COMMD7: variants seen among roughly 807,000 people sequenced by gnomAD.
The protein encoded by COMMD7 is COMM domain-containing protein 7.
In COMMD7, 28 loss-of-function variants were observed where a neutral mutation model predicts 34.8. The observed-to-expected ratio is 0.80, with a 90% CI of 0.60 to 1.10. The LOEUF (loss-of-function observed/expected upper bound fraction) is 1.10, where lower values mean the gene tolerates loss of function less well. Ranked by LOEUF, COMMD7 falls within the 50% of genes least tolerant of loss-of-function variation. The pLI, the probability that COMMD7 is intolerant of heterozygous loss-of-function variation, is 0.00. For synonymous variants in COMMD7, 80 were observed against 86.4 expected (o/e 0.93, Z 0.41); for missense variants, 211 against 241.6 (o/e 0.87, Z 0.84).
At chr20:32,721,177 G>A (rs534877916) in intron 3 of COMMD7, among the ~76,000 whole-genome samples, 1 of 152,236 alleles carries the variant, frequency 6.6e-6, no homozygotes, top group South Asian at 2.1e-4. Context: ...CAATCTAACA[G>A]GATACAGTGG....
intron 3 of COMMD7, among the ~76,000 whole-genome samples, chr20:32,725,422 C>T (rs1450396755): frequency 7.6e-6 from 1 of 131,534 alleles, no homozygotes. Context: ...TAGCTCTATA[C>T]TGTGTTTTGT....
chr20:32,728,392 T>C (rs1363627732), intron 1 of COMMD7, among the ~76,000 whole-genome samples: 1 of 151,882 alleles, frequency 6.6e-6, no homozygotes, highest in Admixed American at 6.6e-5. Context: ...ACTGTAAGCA[T>C]ATGCACTCAG....
chr20:32,713,964 T>G (rs1984621276), intron 3 of COMMD7, among the ~76,000 whole-genome samples: 1 of 151,538 alleles, frequency 6.6e-6, no homozygotes, highest in Non-Finnish European at 1.5e-5. Flanking sequence ...AATACAAAAA[T>G]TAGCTGAGCG....
At position 32,727,983 on chromosome 20, in the gene COMMD7, G is replaced by A; in HGVS notation, c.151C>T (p.Leu51=). The part of the protein sequence containing the change: ...LTEPKEVERF[L]AQLSEFATTN... ...GTGGCAAATTCAGAGAGCTGAGCCAGAAATCTTTCCACCTGCAGAGAGAGA... is the reference window on the plus strand; with the variant it reads ...GTGGCAAATTCAGAGAGCTGAGCCAAAAATCTTTCCACCTGCAGAGAGAGA... Residue 51 remains leucine, a synonymous_variant, in exon 3 of 9, where the codon CTG becomes TTG. Coordinates refer to ENST00000278980, the MANE Select transcript of COMMD7 (RefSeq NM_053041.3). 1.2e-6 allele frequency: 2 copies of A among 1,614,104 alleles called. No homozygotes were observed. Among genetic ancestry groups the A allele is most frequent in the Non-Finnish European group, 1.7e-6 (2 of 1,179,990 alleles).
intron 3 of COMMD7, among the ~76,000 whole-genome samples, chr20:32,720,352 G>A (rs565097565): frequency 3.9e-5 from 6 of 152,100 alleles, no homozygotes; most frequent in African/African-American, 7.2e-5. Context: ...AAAATTAGCC[G>A]GGCATGGTGG....
intron 1 of COMMD7, among the ~76,000 whole-genome samples, chr20:32,728,381 G>A (rs908075935): frequency 6.6e-6 from 1 of 151,994 alleles, no homozygotes; most frequent in Non-Finnish European, 1.5e-5. Context: ...TGTATTGAGA[G>A]ACTGTAAGCA....
intron 1 of COMMD7, among the ~76,000 whole-genome samples, chr20:32,734,582 G>A (rs1986036858): frequency 6.6e-6 from 1 of 151,974 alleles, no homozygotes; most frequent in South Asian, 2.1e-4. Flanking sequence ...GATCACTTGA[G>A]CCTAGATGTT....
intron 3 of COMMD7, among the ~76,000 whole-genome samples, chr20:32,713,598 C>T (rs550064341): frequency 5.9e-4 from 90 of 152,240 alleles, no homozygotes; most frequent in Non-Finnish European, 1.0e-3. Context: ...CAGTACTGAC[C>T]CTGAAGGCTG....
chr20:32,715,684 G>C (rs1421789138), intron 3 of COMMD7, among the ~76,000 whole-genome samples: 2 of 151,990 alleles, frequency 1.3e-5, no homozygotes, highest in African/African-American at 4.8e-5. Context: ...GCATCCACCT[G>C]TGGTCCCAGC....
chr20:32,713,287 T>C (rs933236411), intron 3 of COMMD7, among the ~76,000 whole-genome samples: 1 of 152,082 alleles, frequency 6.6e-6, no homozygotes, highest in Non-Finnish European at 1.5e-5. Flanking sequence ...TGACCTCAGG[T>C]GATCCACCCG....
At chr20:32,704,380 G>GGT in intron 7 of COMMD7, 60 bp downstream of exon 7, 3 of 902,264 alleles carry the variant, frequency 3.3e-6, no homozygotes, top group African/African-American at 2.3e-5. Flanking sequence ...ACCCAATGTA[G>GGT]ATATAATTTT....
intron 1 of COMMD7, among the ~76,000 whole-genome samples, chr20:32,731,588 T>A (rs1985844523): frequency 6.6e-6 from 1 of 152,186 alleles, no homozygotes; most frequent in South Asian, 2.1e-4. Context: ...GAAAGGGACC[T>A]ACCCAGATTC....
chr20:32,710,665 G>A (rs1477244402), intron 3 of COMMD7, among the ~76,000 whole-genome samples: 1 of 149,310 alleles, frequency 6.7e-6, no homozygotes, highest in Non-Finnish European at 1.5e-5. Flanking sequence ...GGAGGTTGAG[G>A]CTACAGTGAA....
At chr20:32,718,780 CAAA>C (rs11484216) in intron 3 of COMMD7, among the ~76,000 whole-genome samples, 1 of 128,534 alleles carries the variant, frequency 7.8e-6, no homozygotes. Flanking sequence ...CTCCCCCTGC[CAAA>C]AAAAAAAAAA....
At chr20:32,734,385 T>C (rs745658080) in intron 1 of COMMD7, among the ~76,000 whole-genome samples, 4 of 148,454 alleles carry the variant, frequency 2.7e-5, no homozygotes, top group Admixed American at 6.7e-5. Context: ...AGGCAGAGAA[T>C]TGCTTGAACC....
intron 1 of COMMD7, among the ~76,000 whole-genome samples, chr20:32,737,569 C>T (rs529668233): frequency 8.6e-5 from 13 of 151,602 alleles, no homozygotes; most frequent in Admixed American, 1.3e-4. Flanking sequence ...TGGCTCACAC[C>T]TATAATCCCA....
intron 6 of COMMD7, 52 bp downstream of exon 6, chr20:32,704,762 C>A (rs1423162263): frequency 7.4e-7 from 1 of 1,358,182 alleles, no homozygotes; most frequent in African/African-American, 1.4e-5. Context: ...ACAGCCTCTG[C>A]ACCCCAACCC....
intron 1 of COMMD7, among the ~76,000 whole-genome samples, chr20:32,741,360 G>A (rs1449118189): frequency 6.6e-6 from 1 of 150,834 alleles, no homozygotes; most frequent in East Asian, 1.9e-4. Flanking sequence ...TGGGACTACT[G>A]TGGTAGCTGT....
rs1555822087 is a variant in COMMD7 at position 32,705,312 on chromosome 20, G to GTGTATATATATACATACATATATA, written c.337-432_337-409dup. On this transcript the variant is annotated intron_variant, in intron 5 of 8. Coordinates refer to ENST00000278980, the MANE Select transcript of COMMD7 (RefSeq NM_053041.3). The stretch of plus-strand genomic sequence containing the variant: ...AATTGGAGAAAGGAGGCATATATAT[G>GTGTATATATATACATACATATATA]TGTATATATATACATACATATATAT... Among the ~76,000 whole-genome samples the GTGTATATATATACATACATATATA allele has an allele frequency of 9.4e-4, 141 of 149,296 alleles. 1 individual carries two copies. The highest frequency in any genetic ancestry group is 1.6e-3 in the Non-Finnish European group (105 of 67,576).
Sources: allele counts gnomAD v4.1 joint callset (sites outside exome capture counted in the v4.1 genomes callset), GRCh38; gene constraint gnomAD v4.1.1; transcripts MANE v1.5; gene names NCBI Gene and HGNC (gene_info 2026-07-23, HGNC 2026-07-21).